Variants in PRSS56 observed in about 807,000 individuals in gnomAD.
PRSS56 encodes protease, serine 56.
PRSS56 carries 55 observed loss-of-function variants against 66.8 expected under a neutral mutation model. That is an observed-to-expected ratio of 0.82 (90% confidence interval 0.66 to 1.03). PRSS56 has a LOEUF of 1.03. Ranked by LOEUF, PRSS56 falls within the 50% of genes least tolerant of loss-of-function variation. The pLI is 0.00. For synonymous variants in PRSS56, 409 were observed against 387.9 expected (o/e 1.05, Z -0.64); for missense variants, 869 against 837.2 (o/e 1.04, Z -0.47).
rs1474293095 is a variant in PRSS56 at position 232,521,796 on chromosome 2, A to G, written c.206-20A>G. The G allele has an allele frequency of 2.6e-6, 4 of 1,535,504 alleles. No homozygotes were observed. In the African/African-American group the frequency reaches 4.1e-5, roughly 16 times the overall value. Reference sequence around the variant, plus strand: ...AGGCGAGAGGGCAGCAGTGAGACTCAAAGGTCTGTTTCTCTGCAGGATCTG... The same window carrying G: ...AGGCGAGAGGGCAGCAGTGAGACTCGAAGGTCTGTTTCTCTGCAGGATCTG... On this transcript the variant is annotated intron_variant, in intron 2 of 12. Transcript: ENST00000617714.
Position 232,525,312 on chromosome 2 carries a change from G to T in PRSS56, c.1618G>T (p.Val540Leu). The T allele has an allele frequency of 6.6e-7, 1 of 1,524,450 alleles. No homozygotes were observed. The highest frequency in any genetic ancestry group is 8.8e-7 in the Non-Finnish European group (1 of 1,138,734). 94.4% of individuals were successfully genotyped at this position (1,524,450 alleles called of 1,614,324 possible). A position where few individuals can be genotyped will look rare whatever the true frequency, so the allele number is the denominator to read the frequency against. The change falls in exon 13 of 13, where the codon GTG becomes TTG. Residue 540 changes from valine to leucine, a missense_variant. Physicochemically the swap from Val to Leu is conservative, Grantham distance 32. Transcript: ENST00000617714. ...GGRHVAFSGLVGLEPATLARS... is the reference protein window; with the variant it reads ...GGRHVAFSGLLGLEPATLARS... ...CCGGCATGTGGCCTTCAGCGGCCTG[G>T]TGGGCCTGGAGCCGGCCACACTGGC...
rs1213246647 is a variant in PRSS56, at chr2:232,524,035, G to GC, written c.1187-3dup. 6.6e-7 allele frequency: 1 copy of GC among 1,524,640 alleles called. No individual in the cohort carries two copies. Among genetic ancestry groups the GC allele is most frequent in the Non-Finnish European group, 8.7e-7 (1 of 1,143,018 alleles). 94.4% of individuals were successfully genotyped at this position (1,524,640 alleles called of 1,614,324 possible). A position where few individuals can be genotyped will look rare whatever the true frequency, so the allele number is the denominator to read the frequency against. ...CGCCGCTCCGACTCCTGTCCGGTCC[G>GC]CAGAGCTGCGCTCGCTGGCGCACAC... On this transcript the variant is annotated splice_region_variant and splice_polypyrimidine_tract_variant and intron_variant, in intron 9 of 12. Coordinates refer to ENST00000617714, the MANE Select transcript of PRSS56 (RefSeq NM_001195129.2).
At chr2:232,524,469 G>T (rs544708994) in intron 11 of PRSS56, 100 bp downstream of exon 11, 1 of 1,161,184 alleles carries the variant, frequency 8.6e-7, no homozygotes, top group African/African-American at 1.5e-5. Context: ...CTTACCCCAT[G>T]GGGCAACAGG....
chr2:232,520,816 G>T (rs1691260546), intron 1 of PRSS56, 121 bp downstream of exon 1: 1 of 627,936 alleles, frequency 1.6e-6, no homozygotes, highest in Non-Finnish European at 2.7e-6. Context: ...GGCTCCTTCT[G>T]CCCACCCTGC....
Position 232,525,284 on chromosome 2 carries a change from G to A in PRSS56, c.1590G>A (p.Gly530=). Residue 530 remains glycine, a synonymous_variant, in exon 13 of 13, where the codon GGG becomes GGA. Transcript: ENST00000617714. ...GAGCCTGGGTGCGGGCAGGCTTGGGGGGCCGGCATGTGGCCTTCAGCGGCC... is the reference window on the plus strand; with the variant it reads ...GAGCCTGGGTGCGGGCAGGCTTGGGAGGCCGGCATGTGGCCTTCAGCGGCC... ...LFRAWVRAGL[G]GRHVAFSGLV... is the part of the protein sequence containing the mutation. 1 of 1,522,466 alleles carries A rather than the reference G, an allele frequency of 6.6e-7. No homozygotes were observed. Among genetic ancestry groups the A allele is most frequent in the Non-Finnish European group, 8.8e-7 (1 of 1,138,548 alleles). 94.3% of individuals were successfully genotyped at this position (1,522,466 alleles called of 1,614,324 possible). A position where few individuals can be genotyped will look rare whatever the true frequency, so the allele number is the denominator to read the frequency against.
chr2:232,525,099 C>A, intron 12 of PRSS56, 117 bp from the exon 13 acceptor site: 2 of 1,058,256 alleles, frequency 1.9e-6, no homozygotes, highest in African/African-American at 1.6e-5. Flanking sequence ...GGGAAATGAG[C>A]AGGGTTTCCA....
In PRSS56 at chr2:232,520,619, G is replaced by T; in HGVS notation, c.21G>T (p.Leu7=). The change falls in exon 1 of 13, where the codon CTG becomes CTT. Residue 7 remains leucine (L), a synonymous_variant. Transcript: ENST00000617714. Reference sequence around the variant, plus strand: ...TCACCATGCTGCTGGCTGTGCTGCTGCTGCTACCCCTCCCAAGCTCATGGT... The same window carrying T: ...TCACCATGCTGCTGGCTGTGCTGCTTCTGCTACCCCTCCCAAGCTCATGGT... MLLAVL[L]LLPLPSSWFA... 1 of 1,536,108 alleles carries T rather than the reference G, an allele frequency of 6.5e-7. No individual in the cohort carries two copies. The highest frequency in any genetic ancestry group is 8.7e-7 in the Non-Finnish European group (1 of 1,146,880).
At position 232,523,147 on chromosome 2, in the gene PRSS56, G is replaced by A. The variant is rs1691323047; in HGVS notation, c.794G>A (p.Arg265His). The stretch of plus-strand genomic sequence containing the variant: ...CGAAGAGCCCTGGGGCCCGGGCTGC[G>A]CCCCAGCACCATGCTCTGCGCCGGG... ...TCRRALGPGL[R>H]PSTMLCAGYL... The change falls in exon 7 of 13, where the codon CGC (arginine) becomes CAC (histidine). Residue 265 changes from arginine to histidine, a missense_variant. By Grantham distance (29) the Arg-to-His change is conservative. Around this residue, in one of 3 missense-constraint regions of PRSS56, gnomAD observed 551 missense variants for 506.9 expected, o/e 1.09. Coordinates refer to ENST00000617714, the MANE Select transcript of PRSS56 (RefSeq NM_001195129.2). 2 of 1,526,438 alleles carry A rather than the reference G, an allele frequency of 1.3e-6. No individual in the cohort carries two copies. The highest frequency in any genetic ancestry group is 1.8e-6 in the Non-Finnish European group (2 of 1,141,596). The allele number at this position is 1,526,438 out of a possible 1,614,324, so 94.6% of individuals were successfully genotyped here.
chr2:232,524,466 C>G, intron 11 of PRSS56, 97 bp downstream of exon 11: 6 of 1,186,334 alleles, frequency 5.1e-6, no homozygotes, highest in Non-Finnish European at 7.0e-6. Flanking sequence ...GGGCTTACCC[C>G]ATGGGGCAAC....
Position 232,525,345 on chromosome 2 carries a change from C to T in PRSS56, c.1651C>T (p.Leu551Phe), listed in dbSNP as rs1395704567. 4.6e-6 allele frequency: 7 copies of T among 1,530,980 alleles called. No individual in the cohort carries two copies. Among genetic ancestry groups the T allele is most frequent in the Non-Finnish European group, 6.1e-6 (7 of 1,143,948 alleles). 94.8% of individuals were successfully genotyped at this position (1,530,980 alleles called of 1,614,324 possible). ...GGAGCCGGCCACACTGGCTCGCAGC[C>T]TCCCCCGGCTGCTGGTGCAGGCCCT... ...GLEPATLARSLPRLLVQALQA... is the reference protein window; with the variant it reads ...GLEPATLARSFPRLLVQALQA... The change falls in exon 13 of 13, where the codon CTC becomes TTC. Residue 551 changes from leucine to phenylalanine, a missense_variant. By Grantham distance (22) the Leu-to-Phe change is conservative. Transcript: ENST00000617714.
At chr2:232,525,130 G>T in intron 12 of PRSS56, 86 bp from the exon 13 acceptor site, 1 of 1,314,094 alleles carries the variant, frequency 7.6e-7, no homozygotes, top group Non-Finnish European at 1.0e-6. Context: ...AGAGTTTCTG[G>T]GGCCCAGGGG....
intron 4 of PRSS56, 54 bp downstream of exon 4, chr2:232,522,214 C>CA: frequency 7.3e-7 from 1 of 1,371,406 alleles, no homozygotes; most frequent in Non-Finnish European, 9.5e-7. Context: ...CTGGGCCCCG[C>CA]ACCTGCCGGG....
rs1441842321 is a variant in PRSS56 at position 232,523,140 on chromosome 2, G to T, written c.787G>T (p.Gly263Trp). ...CACCTGCCGAAGAGCCCTGGGGCCC[G>T]GGCTGCGCCCCAGCACCATGCTCTG... The part of the protein sequence containing the change: ...TDTCRRALGP[G>W]LRPSTMLCAG... The change falls in exon 7 of 13, where the codon GGG (glycine) becomes TGG (tryptophan). Residue 263 changes from glycine to tryptophan, a missense_variant. By Grantham distance (184) the Gly-to-Trp change is radical (BLOSUM62 -2). This residue lies in a region of PRSS56 where 551 missense variants were observed against 506.9 expected (regional missense o/e 1.09). Coordinates refer to ENST00000617714, the MANE Select transcript of PRSS56 (RefSeq NM_001195129.2). The T allele has an allele frequency of 6.5e-7, 1 of 1,532,018 alleles. No individual in the cohort carries two copies. The highest frequency in any genetic ancestry group is 1.4e-5 in the African/African-American group (1 of 73,054). 94.9% of individuals were successfully genotyped at this position (1,532,018 alleles called of 1,614,324 possible). A position where few individuals can be genotyped will look rare whatever the true frequency, so the allele number is the denominator to read the frequency against.
intron 4 of PRSS56, 61 bp from the exon 5 acceptor site, chr2:232,522,454 C>G: frequency 1.4e-6 from 2 of 1,389,058 alleles, no homozygotes; most frequent in Non-Finnish European, 1.9e-6. Flanking sequence ...GCAGGGTCTC[C>G]GAGGGGCCTG....
chr2:232,520,499 C>G lies in PRSS56; in HGVS notation c.-100C>G. 1 of 946,470 alleles carries G rather than the reference C, an allele frequency of 1.1e-6. No individual in the cohort carries two copies. The highest frequency in any genetic ancestry group is 1.6e-6 in the Non-Finnish European group (1 of 609,402). The allele number at this position is 946,470 out of a possible 1,614,324, so 58.6% of individuals were successfully genotyped here. On this transcript the variant is annotated 5_prime_UTR_variant, in exon 1 of 13. Coordinates refer to ENST00000617714, the MANE Select transcript of PRSS56 (RefSeq NM_001195129.2). ...GGACAAGAATTCAGTGCCCGGGGGC[C>G]GAAAGGCAGCAGAAGGCGGGCACCA...
At position 232,522,689 on chromosome 2, in the gene PRSS56, T is replaced by C; in HGVS notation, c.547-13T>C. ...CGTGCTTCCTTGACCCTGCGCCGCC[T>C]CCCCCTCCTCAGTTTGACCCGCGGA... On this transcript the variant is annotated splice_polypyrimidine_tract_variant and intron_variant, in intron 5 of 12. Transcript: ENST00000617714. The C allele has an allele frequency of 6.5e-7, 1 of 1,531,936 alleles. No homozygotes were observed. The highest frequency in any genetic ancestry group is 8.7e-7 in the Non-Finnish European group (1 of 1,144,602). The allele number at this position is 1,531,936 out of a possible 1,614,324, so 94.9% of individuals were successfully genotyped here.
rs905365916 is a variant in PRSS56 at position 232,523,642 on chromosome 2, G to T, written c.1012+64G>T. On this transcript the variant is annotated intron_variant, in intron 8 of 12. Coordinates refer to ENST00000617714, the MANE Select transcript of PRSS56 (RefSeq NM_001195129.2). ...CAACGGACAACCGTGGGACAAGCCCGTTTCCACCCGGCCCATGCCCATTCC... is the reference window on the plus strand; with the variant it reads ...CAACGGACAACCGTGGGACAAGCCCTTTTCCACCCGGCCCATGCCCATTCC... The T allele has an allele frequency of 6.9e-5, 103 of 1,502,870 alleles. 3 individuals are homozygous for T. The South Asian group carries it at 1.2e-3, about 17-fold the overall frequency. The allele number at this position is 1,502,870 out of a possible 1,614,324, so 93.1% of individuals were successfully genotyped here.
Position 232,522,836 on chromosome 2 carries a change from C to T in PRSS56, c.681C>T (p.Ile227=). Residue 227 remains isoleucine (I), a synonymous_variant, in exon 6 of 13, where the codon ATC becomes ATT. Coordinates refer to ENST00000617714, the MANE Select transcript of PRSS56 (RefSeq NM_001195129.2). ...CCCCTGCCGGAACCGCCTGCGCCAT[C>T]GCGGGCTGGGGCGCCCTCTTCGAAG... ...QEPPAGTACA[I]AGWGALFEDG... 1.4e-6 allele frequency: 2 copies of T among 1,474,116 alleles called. No individual in the cohort carries two copies. The highest frequency in any genetic ancestry group is 1.3e-5 in the South Asian group (1 of 74,650). The allele number at this position is 1,474,116 out of a possible 1,614,324, so 91.3% of individuals were successfully genotyped here. A position where few individuals can be genotyped will look rare whatever the true frequency, so the allele number is the denominator to read the frequency against.
intron 4 of PRSS56, 151 bp from the exon 5 acceptor site, chr2:232,522,364 C>A: frequency 1.2e-6 from 1 of 820,016 alleles, no homozygotes; most frequent in Non-Finnish European, 1.7e-6. Context: ...CGGGCGAGTT[C>A]GCCCCCTCTG....
Sources: gnomAD v4.1 joint callset for allele counts on GRCh38, gnomAD v4.1.1 for gene constraint, gnomAD v4.1.1 regional missense constraint, MANE v1.5 for transcripts, NCBI Gene and HGNC (gene_info 2026-07-23, HGNC 2026-07-21) for gene names.